MAP4K4: variants seen among roughly 807,000 people sequenced by gnomAD.
The protein encoded by MAP4K4 is mitogen-activated protein kinase kinase kinase kinase 4.
A neutral mutation model predicts 189.6 loss-of-function variants in MAP4K4; 38 were observed. The observed-to-expected ratio is 0.20, with a 90% CI of 0.15 to 0.26. The LOEUF (loss-of-function observed/expected upper bound fraction) is 0.26, where lower values mean the gene tolerates loss of function less well. MAP4K4 is among the 10% of genes least tolerant of loss of function. MAP4K4 has a pLI of 1.00. For synonymous variants in MAP4K4, 610 were observed against 624.3 expected, an observed-to-expected ratio of 0.98 and a Z score of 0.34; for missense variants, 1,054 against 1,726.9, an observed-to-expected ratio of 0.61 and a Z score of 6.91.
intron 2 of MAP4K4, among the ~76,000 whole-genome samples, chr2:101,772,466 T>C (rs2150370376): frequency 6.6e-6 from 1 of 152,368 alleles, no homozygotes; most frequent in East Asian, 1.9e-4. Flanking sequence ...AATATTTGTT[T>C]CCATGTGAAT....
chr2:101,887,291 C>G, intron 30 of MAP4K4, 54 bp downstream of exon 30: 1 of 1,554,968 alleles, frequency 6.4e-7, no homozygotes, highest in Non-Finnish European at 8.7e-7. Flanking sequence ...TTTGTTTTGA[C>G]TTTCTTCTTT....
At chr2:101,723,994 T>C (rs2053758527) in intron 2 of MAP4K4, among the ~76,000 whole-genome samples, 1 of 152,216 alleles carries the variant, frequency 6.6e-6, no homozygotes, top group South Asian at 2.1e-4. Context: ...TCTGCTCTAG[T>C]AAATGATGAC....
intron 3 of MAP4K4, among the ~76,000 whole-genome samples, chr2:101,804,247 G>A (rs1248482544): frequency 6.6e-6 from 1 of 152,162 alleles, no homozygotes; most frequent in East Asian, 1.9e-4. Flanking sequence ...AGATCGTTTT[G>A]CAATTTGTTT....
intron 32 of MAP4K4, among the ~76,000 whole-genome samples, chr2:101,889,191 A>T (rs186526566): frequency 6.6e-6 from 1 of 152,310 alleles, no homozygotes; most frequent in East Asian, 1.9e-4. Context: ...ACTCTATTAG[A>T]TGACCAGTCT....
intron 3 of MAP4K4, among the ~76,000 whole-genome samples, chr2:101,815,882 T>C (rs780476704): frequency 1.6e-4 from 25 of 152,202 alleles, no homozygotes; most frequent in Admixed American, 6.5e-4. Context: ...GATCAGGCTC[T>C]TTCCCTTACC....
chr2:101,779,809 C>CTT (rs34853403), intron 2 of MAP4K4, among the ~76,000 whole-genome samples: 122 of 143,778 alleles, frequency 8.5e-4, no homozygotes, highest in East Asian at 4.7e-3. Context: ...TTTCACCTCT[C>CTT]TTTTTTTTTT....
At chr2:101,881,757 A>T (rs1039778149) in intron 27 of MAP4K4, among the ~76,000 whole-genome samples, 1 of 152,144 alleles carries the variant, frequency 6.6e-6, no homozygotes, top group African/African-American at 2.4e-5. Context: ...GTTTTGTCAA[A>T]TGTTTTTCTG....
At chr2:101,861,777 G>C (rs2097663904) in intron 16 of MAP4K4, 1 of 152,102 alleles carries the variant, frequency 6.6e-6, no homozygotes, top group South Asian at 2.1e-4. Context: ...GAAAACTACT[G>C]ACTTTTAGAT....
chr2:101,879,611 CA>C (rs1364766181), intron 27 of MAP4K4, among the ~76,000 whole-genome samples: 9 of 152,194 alleles, frequency 5.9e-5, no homozygotes, highest in African/African-American at 2.2e-4. Context: ...GATAAGCATA[CA>C]GCTCAATGAG....
exon 33 of MAP4K4, chr2:101,891,894 A>G (rs2098573039): frequency 1.5e-5 from 2 of 136,946 alleles, no homozygotes; most frequent in Non-Finnish European, 3.0e-5. Context: ...AAGGGGTCCC[A>G]TTTTGTTTCT....
intron 2 of MAP4K4, among the ~76,000 whole-genome samples, chr2:101,747,214 G>A (rs1021631048): frequency 5.3e-5 from 8 of 152,128 alleles, no homozygotes; most frequent in African/African-American, 1.7e-4. Flanking sequence ...CGCCTCCTGG[G>A]TTCATGCGAT....
At chr2:101,889,857 C>T (rs939826435) in intron 32 of MAP4K4, among the ~76,000 whole-genome samples, 11 of 152,122 alleles carry the variant, frequency 7.2e-5, no homozygotes, top group Non-Finnish European at 1.0e-4. Flanking sequence ...CCTGCTTGCC[C>T]GATACATCCC....
At chr2:101,785,674 C>CTTTCTTTTCCTTTTTTGAGTTGGAGTCT (rs376456716) in intron 2 of MAP4K4, among the ~76,000 whole-genome samples, 2 of 43,058 alleles carry the variant, frequency 4.6e-5, no homozygotes, top group African/African-American at 3.7e-4. Flanking sequence ...TTCTTTCTTT[C>CTTTCTTTTCCTTTTTTGAGTTGGAGTCT]TCCCTCTCTC....
intron 3 of MAP4K4, among the ~76,000 whole-genome samples, chr2:101,792,509 T>A (rs1234458905): frequency 6.6e-6 from 1 of 152,108 alleles, no homozygotes; most frequent in African/African-American, 2.4e-5. Flanking sequence ...GTGTGCAATA[T>A]GTGATCACTG....
chr2:101,860,675 A>C (rs2097620284), intron 15 of MAP4K4, 150 bp from the exon 16 acceptor site: 2 of 631,986 alleles, frequency 3.2e-6, no homozygotes, highest in Middle Eastern at 4.2e-4. Flanking sequence ...TGCTTTATGT[A>C]CCTTCTTTTT....
chr2:101,775,345 A>AT (rs908275291), intron 2 of MAP4K4, among the ~76,000 whole-genome samples: 8 of 151,512 alleles, frequency 5.3e-5, no homozygotes, highest in African/African-American at 1.9e-4. Context: ...CCTGTGAAAA[A>AT]TTTGTATCTT....
intron 22 of MAP4K4, chr2:101,870,044 G>A: frequency 1.6e-6 from 1 of 630,646 alleles, no homozygotes; most frequent in East Asian, 2.9e-5. Flanking sequence ...ATATGATCCA[G>A]GGGAAATTTC....
rs1454393113 is a variant in MAP4K4, at chr2:101,797,157, G to A, written c.180+6381G>A. ...GAGGGGAGCACAATGTAATGAATGT[G>A]TTGTTCTTGTCTAGACTGAAAATAA... is the stretch of plus-strand genomic sequence containing the variant. On this transcript the variant is annotated intron_variant, in intron 3 of 32. Transcript: ENST00000324219. 2.6e-5 allele frequency: 29 copies of A among 1,130,172 alleles called. 2 individuals carry two copies. The South Asian group carries it at 4.3e-4, about 17-fold the overall frequency. The allele number at this position is 1,130,172 out of a possible 1,614,324, so 70.0% of individuals were successfully genotyped here.
At chr2:101,863,771 C>T (rs1340072754) in intron 16 of MAP4K4, 50 bp from the exon 17 acceptor site, 1 of 1,272,968 alleles carries the variant, frequency 7.9e-7, no homozygotes, top group Non-Finnish European at 1.1e-6. Context: ...CCAGAAAAGC[C>T]AGTTTTATGC....
Sources: gnomAD v4.1 joint callset for allele counts (sites outside exome capture counted in the v4.1 genomes callset) on GRCh38, gnomAD v4.1.1 for gene constraint, MANE v1.5 for transcripts, NCBI Gene and HGNC (gene_info 2026-07-23, HGNC 2026-07-21) for gene names.